Variants in CDC73 observed in about 807,000 individuals in gnomAD.
CDC73 encodes the protein parafibromin.
A neutral mutation model predicts 83.7 loss-of-function variants in CDC73; 21 were observed. The ratio of observed to expected loss-of-function variants is 0.25; its 90% CI spans 0.18 to 0.36. The LOEUF (loss-of-function observed/expected upper bound fraction) is 0.36, where lower values mean the gene tolerates loss of function less well. Among genes scored for constraint, CDC73 ranks in the 10% least tolerant of loss-of-function variants. The pLI is 1.00. For missense variants in CDC73, 342 were observed against 653.3 expected (o/e 0.52, Z 5.19); for synonymous variants, 224 against 212.9 (o/e 1.05, Z -0.45).
intron 1 of CDC73, among the ~76,000 whole-genome samples, chr1:193,123,560 A>G (rs1675506739): frequency 6.6e-6 from 1 of 152,146 alleles, no homozygotes; most frequent in Non-Finnish European, 1.5e-5. Flanking sequence ...TTGTCTTATG[A>G]TTTAATTAGC....
intron 10 of CDC73, among the ~76,000 whole-genome samples, chr1:193,175,090 G>A (rs1676579437): frequency 6.6e-6 from 1 of 152,154 alleles, no homozygotes; most frequent in Non-Finnish European, 1.5e-5. Flanking sequence ...GCTTTAGCAA[G>A]GAAGAGAATC....
At chr1:193,219,656 A>G (rs1043140059) in intron 13 of CDC73, among the ~76,000 whole-genome samples, 1 of 152,166 alleles carries the variant, frequency 6.6e-6, no homozygotes, top group Non-Finnish European at 1.5e-5. Flanking sequence ...CAAATACCAC[A>G]TGTTCTACGT....
intron 13 of CDC73, among the ~76,000 whole-genome samples, chr1:193,220,308 C>A (rs1056129975): frequency 9.2e-5 from 14 of 151,698 alleles, no homozygotes; most frequent in African/African-American, 3.4e-4. Flanking sequence ...GGATTACAGG[C>A]GTGCGGCACA....
At chr1:193,215,132 T>G (rs1254356804) in intron 13 of CDC73, among the ~76,000 whole-genome samples, 2 of 152,200 alleles carry the variant, frequency 1.3e-5, no homozygotes, top group Non-Finnish European at 2.9e-5. Flanking sequence ...TCTGCAAACT[T>G]GAATCACATT....
chr1:193,199,325 G>A (rs1677051516), intron 10 of CDC73, among the ~76,000 whole-genome samples: 1 of 152,000 alleles, frequency 6.6e-6, no homozygotes, highest in South Asian at 2.1e-4. Context: ...CAGCGCTTTA[G>A]GAGGCCAAGG....
intron 10 of CDC73, among the ~76,000 whole-genome samples, chr1:193,196,621 CT>C (rs1677007203): frequency 6.6e-6 from 1 of 152,092 alleles, no homozygotes; most frequent in Non-Finnish European, 1.5e-5. Context: ...GTCTTTAATT[CT>C]TTTAGCAATA....
intron 14 of CDC73, among the ~76,000 whole-genome samples, chr1:193,235,814 A>G (rs546833190): frequency 1.3e-5 from 2 of 152,334 alleles, no homozygotes; most frequent in East Asian, 3.9e-4. Context: ...ATGAGTTCCT[A>G]TAATGTAATA....
intron 15 of CDC73, among the ~76,000 whole-genome samples, chr1:193,246,624 T>C (rs980478305): frequency 1.3e-5 from 2 of 152,128 alleles, no homozygotes; most frequent in Non-Finnish European, 1.5e-5. Flanking sequence ...GCAGTTTTTT[T>C]CTCTTCATCA....
rs561610417 is a variant in CDC73, at chr1:193,209,883, CT to C, written c.1031-2181del. Among the ~76,000 whole-genome samples the C allele has an allele frequency of 1.2e-4, 18 of 152,168 alleles. No individual in the cohort carries two copies. In the South Asian group the frequency reaches 2.5e-3, roughly 21 times the overall value. The stretch of plus-strand genomic sequence containing the variant: ...CTTCTTCCCTCTCTTCCTCTCCCCC[CT>C]CTCTGCCTTCCTTCCATCTTTGTTT... On this transcript the variant is annotated intron_variant, in intron 11 of 16. Coordinates refer to ENST00000367435, the MANE Select transcript of CDC73 (RefSeq NM_024529.5).
At chr1:193,232,890 A>G in intron 13 of CDC73, 103 bp from the exon 14 acceptor site, 1 of 1,020,402 alleles carries the variant, frequency 9.8e-7, no homozygotes, top group East Asian at 2.7e-5. Context: ...GCAATAAGAA[A>G]AAACTCTGTC....
At chr1:193,233,303 C>T in intron 14 of CDC73, 149 bp downstream of exon 14, 1 of 730,268 alleles carries the variant, frequency 1.4e-6, no homozygotes, top group Non-Finnish European at 2.4e-6. Flanking sequence ...TCTGTCAGTC[C>T]TCCTGCCTCA....
At chr1:193,211,163 C>G (rs762534442) in intron 11 of CDC73, among the ~76,000 whole-genome samples, 17 of 152,096 alleles carry the variant, frequency 1.1e-4, no homozygotes, top group Admixed American at 5.2e-4. Flanking sequence ...TTCCAAGACC[C>G]CCCAGCGGAT....
At chr1:193,151,820 A>G (rs1676118000) in intron 9 of CDC73, among the ~76,000 whole-genome samples, 1 of 152,072 alleles carries the variant, frequency 6.6e-6, no homozygotes, top group Non-Finnish European at 1.5e-5. Flanking sequence ...GCTACTCGGG[A>G]GGCTGAGGTG....
At chr1:193,194,996 AAC>A (rs1476636102) in intron 10 of CDC73, among the ~76,000 whole-genome samples, 1 of 152,176 alleles carries the variant, frequency 6.6e-6, no homozygotes, top group Non-Finnish European at 1.5e-5. Flanking sequence ...CTGGTGGTTT[AAC>A]ACACAAAACA....
chr1:193,230,485 T>C (rs1034073226), intron 13 of CDC73, among the ~76,000 whole-genome samples: 6 of 89,600 alleles, frequency 6.7e-5, no homozygotes. Context: ...TTTTTTTTTT[T>C]GCAAAGCAAC....
chr1:193,224,353 A>G (rs1677524644), intron 13 of CDC73, among the ~76,000 whole-genome samples: 1 of 152,028 alleles, frequency 6.6e-6, no homozygotes, highest in Admixed American at 6.6e-5. Context: ...ATATATATAT[A>G]TATGAAATAT....
intron 10 of CDC73, among the ~76,000 whole-genome samples, chr1:193,195,461 G>C (rs1045277873): frequency 6.6e-6 from 1 of 151,838 alleles, no homozygotes; most frequent in East Asian, 1.9e-4. Context: ...TATGAACTTG[G>C]GTGTAAAAAT....
chr1:193,177,171 CTTT>C (rs201027820), intron 10 of CDC73, among the ~76,000 whole-genome samples: 1 of 150,994 alleles, frequency 6.6e-6, no homozygotes, highest in Non-Finnish European at 1.5e-5. Flanking sequence ...CAGCTCTAGA[CTTT>C]TTTTTTTAAT....
chr1:193,239,740 T>G (rs1384797945), intron 15 of CDC73, among the ~76,000 whole-genome samples: 1 of 152,164 alleles, frequency 6.6e-6, no homozygotes, highest in Non-Finnish European at 1.5e-5. Context: ...ATTTCTGTGT[T>G]TTGGGAACAT....
Sources: allele counts gnomAD v4.1 joint callset (sites outside exome capture counted in the v4.1 genomes callset), GRCh38; gene constraint gnomAD v4.1.1; transcripts MANE v1.5; gene names NCBI Gene and HGNC (gene_info 2026-07-23, HGNC 2026-07-21).